ELMO1: variants seen among roughly 807,000 people sequenced by gnomAD.
ELMO1 encodes engulfment and cell motility 1.
Under a neutral mutation model 98.9 loss-of-function variants are expected in ELMO1, and 26 were observed. The observed-to-expected ratio is 0.26, with a 90% CI of 0.19 to 0.36. ELMO1 has a LOEUF of 0.36. Among genes scored for constraint, ELMO1 ranks in the 10% least tolerant of loss-of-function variants. The pLI is 1.00. For missense variants in ELMO1, 627 were observed against 935.2 expected, an observed-to-expected ratio of 0.67 and a Z score of 4.30; for synonymous variants, 346 against 346.0, an observed-to-expected ratio of 1.00 and a Z score of 0.00.
chr7:37,343,489 T>C (rs930680629), intron 1 of ELMO1, among the ~76,000 whole-genome samples: 262 of 14,104 alleles, frequency 0.019, no homozygotes, highest in African/African-American at 0.099. Context: ...GCCCATTTCT[T>C]TTTTTTTTTT....
chr7:37,229,951 G>C (rs1287903771), intron 8 of ELMO1, among the ~76,000 whole-genome samples: 2 of 151,932 alleles, frequency 1.3e-5, no homozygotes, highest in Non-Finnish European at 2.9e-5. Context: ...TAAGTTGTTA[G>C]AAAATTAAAT....
chr7:37,033,342 C>T, intron 15 of ELMO1: 1 of 453,660 alleles, frequency 2.2e-6, no homozygotes, highest in South Asian at 1.6e-5. Context: ...TTGCCACCTA[C>T]TTACCTCCGA....
intron 15 of ELMO1, among the ~76,000 whole-genome samples, chr7:37,045,072 GAGT>G (rs1303533891): frequency 6.6e-6 from 1 of 152,144 alleles, no homozygotes; most frequent in Non-Finnish European, 1.5e-5. Flanking sequence ...CCCTTAGAAA[GAGT>G]AACTACTTTT....
chr7:37,164,319 T>C (rs1340957075), intron 13 of ELMO1, among the ~76,000 whole-genome samples: 2 of 152,222 alleles, frequency 1.3e-5, no homozygotes, highest in Non-Finnish European at 2.9e-5. Context: ...TTTCTTTTGC[T>C]GTGCAGAAGC....
At chr7:36,889,193 T>G (rs1208183575) in intron 17 of ELMO1, among the ~76,000 whole-genome samples, 1 of 152,182 alleles carries the variant, frequency 6.6e-6, no homozygotes, top group Non-Finnish European at 1.5e-5. Flanking sequence ...CCTCAAACAT[T>G]CTCTCATTTG....
intron 13 of ELMO1, among the ~76,000 whole-genome samples, chr7:37,151,441 T>C (rs141708759): frequency 1.3e-3 from 194 of 152,004 alleles, no homozygotes; most frequent in African/African-American, 4.5e-3. Context: ...CCTGTAAATA[T>C]TGAGAACTGG....
intron 13 of ELMO1, among the ~76,000 whole-genome samples, chr7:37,186,546 A>C (rs1277177163): frequency 6.6e-6 from 1 of 152,214 alleles, no homozygotes; most frequent in Non-Finnish European, 1.5e-5. Context: ...AGAATGTGAG[A>C]AGTTGCAAAT....
intron 4 of ELMO1, among the ~76,000 whole-genome samples, chr7:37,287,954 T>C (rs1797477479): frequency 6.6e-6 from 1 of 152,130 alleles, no homozygotes; most frequent in South Asian, 2.1e-4. Context: ...TGTCACCTTT[T>C]TTTTGTTTAT....
rs1584490969 is a variant in ELMO1, at chr7:36,995,994, G to C, written c.1437+17305C>G. ...GGGATCTCCAGACTCAGCCCAGCGT[G>C]GTTTGGGAAGGGAAGTCTTTGCCAT... On this transcript the variant is annotated intron_variant, in intron 16 of 21. Transcript: ENST00000310758. Among the ~76,000 whole-genome samples, 3 of 152,186 alleles carry C rather than the reference G, an allele frequency of 2.0e-5. No individual in the cohort carries two copies. In the South Asian group the frequency reaches 6.2e-4, roughly 32 times the overall value.
intron 15 of ELMO1, among the ~76,000 whole-genome samples, chr7:37,021,392 A>G (rs1323669671): frequency 6.6e-6 from 1 of 152,184 alleles, no homozygotes; most frequent in Non-Finnish European, 1.5e-5. Flanking sequence ...AATTTATTCA[A>G]TGCTTCATTG....
chr7:37,135,590 G>A (rs1408146410), intron 13 of ELMO1, among the ~76,000 whole-genome samples: 1 of 152,184 alleles, frequency 6.6e-6, no homozygotes, highest in African/African-American at 2.4e-5. Context: ...ATGGAGCTGG[G>A]TAGCTCTGCT....
intron 1 of ELMO1, among the ~76,000 whole-genome samples, chr7:37,363,633 C>A (rs1208122399): frequency 6.6e-6 from 1 of 152,194 alleles, no homozygotes; most frequent in Non-Finnish European, 1.5e-5. Context: ...CTTTCTACGC[C>A]CAGCTACTTG....
chr7:37,319,353 T>G (rs11973508), intron 2 of ELMO1, among the ~76,000 whole-genome samples: 3,800 of 152,254 alleles, frequency 0.025, 162 homozygotes, highest in African/African-American at 0.086. Context: ...TCTTCAGATA[T>G]AAGGTGCTAA....
intron 1 of ELMO1, among the ~76,000 whole-genome samples, chr7:37,376,311 C>T (rs1245208206): frequency 6.6e-6 from 1 of 152,192 alleles, no homozygotes; most frequent in African/African-American, 2.4e-5. Context: ...CATTCCTGGG[C>T]ATAGACAAAG....
chr7:37,421,501 G>A (rs545370015), intron 1 of ELMO1, among the ~76,000 whole-genome samples: 114 of 152,266 alleles, frequency 7.5e-4, no homozygotes, highest in Non-Finnish European at 1.2e-3. Context: ...CACGATTAAA[G>A]TTCTCACCCC....
chr7:37,389,282 G>T (rs536377351), intron 1 of ELMO1, among the ~76,000 whole-genome samples: 4 of 152,044 alleles, frequency 2.6e-5, no homozygotes, highest in Admixed American at 6.5e-5. Context: ...TAGCCTTCAC[G>T]CTGGGTTTCA....
chr7:37,149,582 T>C (rs1221205918), intron 13 of ELMO1, among the ~76,000 whole-genome samples: 2 of 152,254 alleles, frequency 1.3e-5, no homozygotes, highest in African/African-American at 4.8e-5. Context: ...GTCATACTTA[T>C]TGATTTGCAT....
At chr7:37,374,565 T>C (rs1158314965) in intron 1 of ELMO1, among the ~76,000 whole-genome samples, 1 of 151,322 alleles carries the variant, frequency 6.6e-6, no homozygotes, top group Non-Finnish European at 1.5e-5. Context: ...TCCTGGCTAC[T>C]ATGGCGAAAT....
intron 13 of ELMO1, among the ~76,000 whole-genome samples, chr7:37,154,450 C>T (rs1788586730): frequency 6.6e-6 from 1 of 152,146 alleles, no homozygotes; most frequent in South Asian, 2.1e-4. Context: ...ACTAGAACAA[C>T]CAGTGTAGAG....
Sources: gnomAD v4.1 joint callset for allele counts (sites outside exome capture counted in the v4.1 genomes callset) on GRCh38, gnomAD v4.1.1 for gene constraint, MANE v1.5 for transcripts, NCBI Gene and HGNC (gene_info 2026-07-23, HGNC 2026-07-21) for gene names.